The following DLG2 variants were observed in gnomAD, a reference collection of about 807,000 sequenced individuals.
The protein encoded by DLG2 is disks large homolog 2.
A neutral mutation model predicts 132.5 loss-of-function variants in DLG2; 45 were observed. The ratio of observed to expected loss-of-function variants is 0.34; its 90% CI spans 0.27 to 0.44. The LOEUF (loss-of-function observed/expected upper bound fraction) is 0.44. Among genes scored for constraint, DLG2 ranks in the 20% least tolerant of loss-of-function variants. The probability of loss-of-function intolerance (pLI) is 1.00; values close to 1 mark genes in which losing one functional copy is unlikely to be tolerated. For synonymous variants in DLG2, 424 were observed against 419.6 expected (o/e 1.01, Z -0.13); for missense variants, 1,045 against 1,196.9 (o/e 0.87, Z 1.87).
chr11:83,772,448 A>AGGAGGGAG (rs562337022), intron 18 of DLG2, among the ~76,000 whole-genome samples: 2 of 125,318 alleles, frequency 1.6e-5, no homozygotes, highest in Non-Finnish European at 3.3e-5. Flanking sequence ...AAAAAAGAGA[A>AGGAGGGAG]GGAGGGAGGG....
intron 9 of DLG2, among the ~76,000 whole-genome samples, chr11:84,118,315 C>G (rs1360651215): frequency 6.6e-6 from 1 of 152,220 alleles, no homozygotes. Context: ...ACTAGAGTAA[C>G]AGTTTGCCCG....
chr11:84,104,166 TG>T (rs1204075204), intron 9 of DLG2, among the ~76,000 whole-genome samples: 2 of 152,092 alleles, frequency 1.3e-5, no homozygotes, highest in African/African-American at 4.8e-5. Context: ...AATAAAGACA[TG>T]GAATTAACCC....
At chr11:84,431,433 A>T (rs1307394086) in intron 7 of DLG2, among the ~76,000 whole-genome samples, 2 of 152,188 alleles carry the variant, frequency 1.3e-5, no homozygotes, top group Non-Finnish European at 2.9e-5. Flanking sequence ...ATTGTTGTTT[A>T]GACATATAAA....
At chr11:85,151,991 T>A (rs2077288724) in intron 5 of DLG2, among the ~76,000 whole-genome samples, 1 of 152,162 alleles carries the variant, frequency 6.6e-6, no homozygotes, top group African/African-American at 2.4e-5. Context: ...AAACATTCTT[T>A]CCCACAGCTG....
intron 16 of DLG2, among the ~76,000 whole-genome samples, chr11:83,843,057 A>G (rs555716321): frequency 6.6e-6 from 1 of 152,286 alleles, no homozygotes; most frequent in South Asian, 2.1e-4. Flanking sequence ...AAAGCCTTCT[A>G]AGGATCTGTG....
chr11:85,112,246 A>G (rs934085477), intron 5 of DLG2, among the ~76,000 whole-genome samples: 1 of 152,068 alleles, frequency 6.6e-6, no homozygotes, highest in Non-Finnish European at 1.5e-5. Context: ...CACATGAAAA[A>G]CTGAAGTGCA....
intron 6 of DLG2, among the ~76,000 whole-genome samples, chr11:84,586,921 T>A (rs1006093991): frequency 6.6e-6 from 1 of 152,218 alleles, no homozygotes; most frequent in Non-Finnish European, 1.5e-5. Flanking sequence ...AATACAGTAA[T>A]CTTATATTGG....
chr11:84,150,092 G>A (rs534477017), intron 9 of DLG2, among the ~76,000 whole-genome samples: 1 of 152,096 alleles, frequency 6.6e-6, no homozygotes, highest in Non-Finnish European at 1.5e-5. Flanking sequence ...CTTATTCTGT[G>A]AAAAACAATG....
intron 6 of DLG2, among the ~76,000 whole-genome samples, chr11:84,555,930 G>A (rs899513761): frequency 6.6e-6 from 1 of 152,182 alleles, no homozygotes; most frequent in Admixed American, 6.5e-5. Flanking sequence ...CTGTGCTGGT[G>A]CCTGAGACAG....
chr11:84,160,552 T>C (rs559029505), intron 9 of DLG2, among the ~76,000 whole-genome samples: 1 of 152,286 alleles, frequency 6.6e-6, no homozygotes, highest in South Asian at 2.1e-4. Flanking sequence ...TCTTAGATTT[T>C]TGGTAAAGCA....
At chr11:84,310,307 A>G (rs1029815101) in intron 7 of DLG2, among the ~76,000 whole-genome samples, 2 of 152,214 alleles carry the variant, frequency 1.3e-5, no homozygotes, top group Non-Finnish European at 2.9e-5. Flanking sequence ...CAGTGGTGTG[A>G]TCATAAGCAT....
intron 5 of DLG2, among the ~76,000 whole-genome samples, chr11:85,127,074 C>G (rs1403190846): frequency 6.6e-6 from 1 of 152,104 alleles, no homozygotes; most frequent in Non-Finnish European, 1.5e-5. Flanking sequence ...GATGGAATAT[C>G]CTATTTCCTT....
intron 21 of DLG2, among the ~76,000 whole-genome samples, chr11:83,511,115 T>C (rs934034074): frequency 1.1e-4 from 10 of 89,994 alleles, no homozygotes; most frequent in Admixed American, 6.0e-4. Context: ...CACACACACA[T>C]TCTTTTCTAT....
chr11:83,769,659 G>C (rs1431963898), intron 18 of DLG2, among the ~76,000 whole-genome samples: 1 of 151,540 alleles, frequency 6.6e-6, no homozygotes, highest in Admixed American at 6.6e-5. Flanking sequence ...CTCTTTCCGG[G>C]GTCAAACTAT....
At chr11:84,367,642 A>G (rs1295482505) in intron 7 of DLG2, among the ~76,000 whole-genome samples, 2 of 152,036 alleles carry the variant, frequency 1.3e-5, no homozygotes, top group East Asian at 3.9e-4. Context: ...GGAATGGATT[A>G]TTTATCACAA....
intron 3 of DLG2, among the ~76,000 whole-genome samples, chr11:85,356,318 G>A (rs998451204): frequency 2.2e-4 from 33 of 151,870 alleles, no homozygotes; most frequent in Non-Finnish European, 2.9e-5. Flanking sequence ...AACACAGTAT[G>A]ATACTTTATA....
In DLG2 at chr11:84,059,479, T is replaced by C. The variant is rs1204572503; in HGVS notation, c.755A>G (p.Asn252Ser). 1.9e-6 allele frequency: 3 copies of C among 1,591,550 alleles called. No individual in the cohort carries two copies. The highest frequency in any genetic ancestry group is 2.3e-5 in the East Asian group (1 of 43,146). Residue 252 changes from asparagine (N) to serine (S), a missense_variant, in exon 11 of 28, where the codon AAT (asparagine) becomes AGT (serine). Transcript: ENST00000376104. ...AAAEDGRLRV[N>S]DCILRVNEVD... is the part of the protein sequence containing the mutation. The stretch of plus-strand genomic sequence containing the variant: ...CTCATTCACCCGCAAGATACAATCA[T>C]TGACCCTGCAAGGAAGGAAAAGAGT...
intron 9 of DLG2, among the ~76,000 whole-genome samples, chr11:84,141,907 C>T (rs1393993032): frequency 6.6e-6 from 1 of 151,924 alleles, no homozygotes; most frequent in Non-Finnish European, 1.5e-5. Flanking sequence ...AGTACTGATT[C>T]CATTGTTTTC....
intron 6 of DLG2, among the ~76,000 whole-genome samples, chr11:84,817,023 T>G (rs1041953707): frequency 3.9e-5 from 6 of 151,990 alleles, no homozygotes; most frequent in African/African-American, 1.4e-4. Flanking sequence ...ACAGAAGAAC[T>G]AGTCCTAAGA....
Sources: allele counts gnomAD v4.1 joint callset (sites outside exome capture counted in the v4.1 genomes callset), GRCh38; gene constraint gnomAD v4.1.1; transcripts MANE v1.5; gene names NCBI Gene and HGNC (gene_info 2026-07-23, HGNC 2026-07-21).